DDX60: variants seen among roughly 807,000 people sequenced by gnomAD.
DDX60 encodes the protein probable ATP-dependent RNA helicase DDX60.
DDX60 carries 165 observed loss-of-function variants against 212.8 expected under a neutral mutation model. That is an observed-to-expected ratio of 0.78 (90% confidence interval 0.68 to 0.88). The LOEUF (loss-of-function observed/expected upper bound fraction) is 0.88. DDX60 is among the 40% of genes least tolerant of loss of function. The pLI, the probability that DDX60 is intolerant of heterozygous loss-of-function variation, is 0.00. For missense variants in DDX60, 1,905 were observed against 2,003.9 expected, an observed-to-expected ratio of 0.95 and a Z score of 0.94; for synonymous variants, 703 against 685.3, an observed-to-expected ratio of 1.03 and a Z score of -0.40.
At chr4:168,284,724 A>C (rs1239826812) in intron 12 of DDX60, 96 bp downstream of exon 12, 4 of 584,986 alleles carry the variant, frequency 6.8e-6, no homozygotes, top group Non-Finnish European at 1.1e-5. Flanking sequence ...CATTCAAAAA[A>C]ATTTAATTTG....
chr4:168,278,482 A>C (rs1369459178), intron 14 of DDX60, among the ~76,000 whole-genome samples: 1 of 152,226 alleles, frequency 6.6e-6, no homozygotes, highest in African/African-American at 2.4e-5. Flanking sequence ...CTTCAAATAT[A>C]GGATGGTTAC....
chr4:168,222,441 A>C (rs1459070879), intron 35 of DDX60, among the ~76,000 whole-genome samples: 1 of 152,028 alleles, frequency 6.6e-6, no homozygotes, highest in East Asian at 1.9e-4. Flanking sequence ...TTATGAGTGT[A>C]AATTGGCACA....
At chr4:168,252,977 G>C (rs1450103277) in intron 26 of DDX60, among the ~76,000 whole-genome samples, 2 of 152,012 alleles carry the variant, frequency 1.3e-5, no homozygotes, top group African/African-American at 4.8e-5. Context: ...GCTAAATTTT[G>C]TATCTTCAGT....
chr4:168,323,834 G>A (rs145367768), upstream of DDX60, among the ~76,000 whole-genome samples: 20 of 152,288 alleles, frequency 1.3e-4, no homozygotes, highest in East Asian at 2.7e-3. Context: ...CATCTAATGC[G>A]GAGATGACTT....
chr4:168,285,161 C>T (rs114602436), intron 11 of DDX60, among the ~76,000 whole-genome samples: 2,837 of 152,178 alleles, frequency 0.019, 78 homozygotes, highest in African/African-American at 0.065. Context: ...TTCATTAATT[C>T]ATTAATTTAA....
chr4:168,277,568 T>C (rs1220480654), intron 14 of DDX60, among the ~76,000 whole-genome samples: 1 of 152,070 alleles, frequency 6.6e-6, no homozygotes, highest in Non-Finnish European at 1.5e-5. Context: ...CCGGGCGCAG[T>C]GGCTCACACC....
chr4:168,293,700 C>G, intron 7 of DDX60, 87 bp downstream of exon 7: 2 of 1,162,348 alleles, frequency 1.7e-6, no homozygotes, highest in Non-Finnish European at 2.4e-6. Flanking sequence ...CATGAAGTAC[C>G]AAATAGAGGA....
At chr4:168,257,877 G>A (rs1734476179) in intron 25 of DDX60, among the ~76,000 whole-genome samples, 1 of 152,302 alleles carries the variant, frequency 6.6e-6, no homozygotes, top group South Asian at 2.1e-4. Context: ...GTTCACATAA[G>A]CTGCTTAGAA....
chr4:168,251,621 C>A (rs951385595), intron 27 of DDX60, among the ~76,000 whole-genome samples: 1 of 152,018 alleles, frequency 6.6e-6, no homozygotes, highest in Non-Finnish European at 1.5e-5. Flanking sequence ...GAAGGAAGAG[C>A]GACAAAAAAA....
At chr4:168,221,523 T>C (rs1004831150) in intron 36 of DDX60, among the ~76,000 whole-genome samples, 6 of 152,102 alleles carry the variant, frequency 3.9e-5, no homozygotes, top group Non-Finnish European at 7.4e-5. Context: ...GTGCCAAGAT[T>C]TTGTTGGAAA....
Position 168,274,071 on chromosome 4 carries a change from C to CA in DDX60, c.2316dup (p.Asp773Ter). The CA allele has an allele frequency of 6.2e-7, 1 of 1,614,158 alleles. No individual in the cohort carries two copies. Among genetic ancestry groups the CA allele is most frequent in the South Asian group, 1.1e-5 (1 of 91,084 alleles). On this transcript the variant is annotated frameshift_variant, in exon 17 of 38. Coordinates refer to ENST00000393743, the MANE Select transcript of DDX60 (RefSeq NM_017631.6). LOFTEE classifies it high-confidence loss of function. ...GCTGACTCATTCTTATCCACAACATCAAGGAGCTCTCGCTGCAGGGTGCAG... is the reference window on the plus strand; with the variant it reads ...GCTGACTCATTCTTATCCACAACATCAAAGGAGCTCTCGCTGCAGGGTGCAG...
chr4:168,260,791 G>C (rs966157537), intron 25 of DDX60, 74 bp downstream of exon 25: 68 of 1,329,632 alleles, frequency 5.1e-5, no homozygotes, highest in Non-Finnish European at 7.2e-5. Flanking sequence ...TGGCCTGGAG[G>C]TTGGGGACCT....
At chr4:168,302,619 G>C (rs1257487169) in intron 5 of DDX60, among the ~76,000 whole-genome samples, 1 of 152,156 alleles carries the variant, frequency 6.6e-6, no homozygotes, top group Non-Finnish European at 1.5e-5. Flanking sequence ...TAGGAATATA[G>C]CGTATTTTGT....
Position 168,237,722 on chromosome 4 carries a change from A to G in DDX60, c.4238T>C (p.Phe1413Ser), listed in dbSNP as rs776356666. 32 of 1,611,834 alleles carry G rather than the reference A, an allele frequency of 2.0e-5. 1 individual carries two copies. In the East Asian group the frequency reaches 2.5e-4, roughly 12 times the overall value. ...CACCAGGAACTGCAAAGAAAACAGG[A>G]AGTAAAGTTTTAACATGTCCATGAC... ...PRVMDMLKLYFLFSLQFLVKE... is the reference protein window; with the variant it reads ...PRVMDMLKLYSLFSLQFLVKE... Residue 1413 changes from phenylalanine (F) to serine (S), a missense_variant, in exon 31 of 38, where the codon TTC becomes TCC. By Grantham distance (155) the Phe-to-Ser change is radical. Transcript: ENST00000393743.
chr4:168,261,876 T>G (rs1302192089), intron 24 of DDX60, 124 bp downstream of exon 24: 1 of 1,150,466 alleles, frequency 8.7e-7, no homozygotes, highest in Non-Finnish European at 1.2e-6. Flanking sequence ...AGACTTCAAG[T>G]TCAACTTAAA....
intron 33 of DDX60, among the ~76,000 whole-genome samples, chr4:168,230,832 C>T (rs972780612): frequency 6.6e-6 from 1 of 151,770 alleles, no homozygotes; most frequent in African/African-American, 2.4e-5. Flanking sequence ...AAAGAAATAG[C>T]AAAGATCAGA....
intron 11 of DDX60, 122 bp downstream of exon 11, chr4:168,285,271 A>C (rs1185958621): frequency 1.5e-6 from 1 of 670,376 alleles, no homozygotes. Flanking sequence ...TAAATTCATT[A>C]TGTATTACAA....
intron 14 of DDX60, among the ~76,000 whole-genome samples, chr4:168,278,452 G>A (rs1360663056): frequency 1.3e-5 from 2 of 152,212 alleles, no homozygotes; most frequent in Non-Finnish European, 2.9e-5. Flanking sequence ...CCTCTGAAAT[G>A]AGTGACAATG....
chr4:168,243,260 T>G (rs569628004), intron 30 of DDX60, among the ~76,000 whole-genome samples: 2 of 152,128 alleles, frequency 1.3e-5, no homozygotes, highest in Non-Finnish European at 2.9e-5. Context: ...AAGCAAACAC[T>G]GATAAATGGG....
Sources: allele counts gnomAD v4.1 joint callset (sites outside exome capture counted in the v4.1 genomes callset), GRCh38; gene constraint gnomAD v4.1.1; transcripts MANE v1.5; gene names NCBI Gene and HGNC (gene_info 2026-07-23, HGNC 2026-07-21).